The following SUGCT variants were observed in gnomAD, a reference collection of about 807,000 sequenced individuals.
SUGCT encodes the protein succinyl-CoA:glutarate CoA-transferase.
SUGCT carries 41 observed loss-of-function variants against 55.0 expected under a neutral mutation model. That is an observed-to-expected ratio of 0.74 (90% CI 0.58 to 0.97). The LOEUF is 0.97. Ranked by LOEUF, SUGCT falls within the 50% of genes least tolerant of loss-of-function variation. SUGCT has a pLI of 0.00. For missense variants in SUGCT, 568 were observed against 547.8 expected (o/e 1.04, Z -0.37); for synonymous variants, 187 against 200.4 (o/e 0.93, Z 0.56).
At chr7:40,989,055 T>C in the SUGCT span, among the ~76,000 whole-genome samples, 1 of 152,196 alleles carries the variant, frequency 6.6e-6, no homozygotes, top group South Asian at 2.1e-4. Context: ...AATTGTACAA[T>C]AGCATTATGT....
chr7:40,372,057 G>A (rs1307166044), intron 9 of SUGCT, among the ~76,000 whole-genome samples: 1 of 151,840 alleles, frequency 6.6e-6, no homozygotes, highest in African/African-American at 2.4e-5. Flanking sequence ...GCAAATGAGA[G>A]CCAGGGTTGT....
chr7:40,703,230 A>C (rs904469207), intron 12 of SUGCT, among the ~76,000 whole-genome samples: 5 of 151,906 alleles, frequency 3.3e-5, no homozygotes, highest in Non-Finnish European at 5.9e-5. Flanking sequence ...ATGCCCGGCT[A>C]ATTTTGTATT....
At chr7:40,365,833 A>G (rs935880929) in intron 9 of SUGCT, among the ~76,000 whole-genome samples, 1 of 152,218 alleles carries the variant, frequency 6.6e-6, no homozygotes, top group African/African-American at 2.4e-5. Context: ...AAATGGCCAT[A>G]CTGCCCAATG....
chr7:40,237,873 G>A lies in SUGCT; in HGVS notation c.576+147G>A, dbSNP rs528439741. 9.6e-5 allele frequency: 61 copies of A among 633,338 alleles called. No homozygotes were observed. The South Asian group carries it at 1.3e-3, about 14-fold the overall frequency. 39.2% of individuals were successfully genotyped at this position (633,338 alleles called of 1,614,324 possible). On this transcript the variant is annotated intron_variant, in intron 7 of 13. Coordinates refer to ENST00000335693, the MANE Select transcript of SUGCT (RefSeq NM_001193313.2). ...TTTGCCATTGAAATTAATAATTTTA[G>A]AAAGAAACCAGGGAAAGTGAATGCT... is the stretch of plus-strand genomic sequence containing the variant.
At chr7:40,689,296 A>G (rs1166087982) in intron 12 of SUGCT, among the ~76,000 whole-genome samples, 1 of 152,208 alleles carries the variant, frequency 6.6e-6, no homozygotes, top group African/African-American at 2.4e-5. Flanking sequence ...ATAGCAAGCA[A>G]TGAGCCCCCA....
At chr7:40,720,664 A>G (rs1786279690) in intron 12 of SUGCT, among the ~76,000 whole-genome samples, 1 of 152,228 alleles carries the variant, frequency 6.6e-6, no homozygotes, top group African/African-American at 2.4e-5. Flanking sequence ...TATGAAGTTT[A>G]CTAATAACAG....
chr7:40,332,705 G>T (rs1796391228), intron 9 of SUGCT, among the ~76,000 whole-genome samples: 1 of 152,144 alleles, frequency 6.6e-6, no homozygotes, highest in Non-Finnish European at 1.5e-5. Context: ...AAACATAATG[G>T]TGCATTGAGG....
chr7:40,717,473 C>G (rs1034079647), intron 12 of SUGCT, among the ~76,000 whole-genome samples: 1 of 152,196 alleles, frequency 6.6e-6, no homozygotes. Flanking sequence ...GGGCACATGT[C>G]GGGCTCCAGT....
intron 13 of SUGCT, among the ~76,000 whole-genome samples, chr7:40,846,957 A>G (rs1337895745): frequency 6.6e-6 from 1 of 152,236 alleles, no homozygotes; most frequent in Non-Finnish European, 1.5e-5. Context: ...TATAGAAAGC[A>G]TTATGCCAAG....
intron 13 of SUGCT, among the ~76,000 whole-genome samples, chr7:40,816,054 C>T (rs1791654048): frequency 6.6e-6 from 1 of 152,224 alleles, no homozygotes. Context: ...GCCAAGCTGG[C>T]AAGTCTCACT....
intron 12 of SUGCT, among the ~76,000 whole-genome samples, chr7:40,711,506 AAAAG>A (rs1169539037): frequency 6.6e-6 from 1 of 152,176 alleles, no homozygotes; most frequent in East Asian, 1.9e-4. Context: ...TATCTAAAAA[AAAAG>A]AAAGAAAAAG....
chr7:40,708,229 C>T (rs1785523273), intron 12 of SUGCT, among the ~76,000 whole-genome samples: 1 of 152,150 alleles, frequency 6.6e-6, no homozygotes, highest in African/African-American at 2.4e-5. Flanking sequence ...CCTGGGTACT[C>T]TGTGCTTTAA....
At chr7:40,739,190 A>G (rs1249450330) in intron 12 of SUGCT, among the ~76,000 whole-genome samples, 1 of 152,184 alleles carries the variant, frequency 6.6e-6, no homozygotes, top group African/African-American at 2.4e-5. Context: ...GAAGAGTTCC[A>G]TCACCACGAA....
chr7:40,452,231 A>T (rs1419594834), intron 10 of SUGCT, among the ~76,000 whole-genome samples: 1 of 152,320 alleles, frequency 6.6e-6, no homozygotes, highest in East Asian at 1.9e-4. Flanking sequence ...GTCCTACTTA[A>T]TGTTCCTTAC....
At chr7:40,563,058 G>A (rs1795927172) in intron 12 of SUGCT, among the ~76,000 whole-genome samples, 1 of 152,022 alleles carries the variant, frequency 6.6e-6, no homozygotes, top group South Asian at 2.1e-4. Flanking sequence ...CTCTTCCTCC[G>A]CCCAAGTAAC....
At chr7:40,834,532 G>T (rs76254322) in intron 13 of SUGCT, among the ~76,000 whole-genome samples, 4,125 of 152,212 alleles carry the variant, frequency 0.027, 70 homozygotes, top group Middle Eastern at 0.058. Context: ...TATTGGTGGG[G>T]TTACTAAAAG....
At chr7:40,258,843 A>G (rs529786417) in intron 7 of SUGCT, among the ~76,000 whole-genome samples, 1 of 152,328 alleles carries the variant, frequency 6.6e-6, no homozygotes, top group South Asian at 2.1e-4. Flanking sequence ...CATATACTCA[A>G]GCGAAATGAA....
At chr7:40,184,925 G>A (rs1456854541) in intron 3 of SUGCT, among the ~76,000 whole-genome samples, 4 of 152,078 alleles carry the variant, frequency 2.6e-5, no homozygotes, top group Admixed American at 6.6e-5. Context: ...GTTTGATCTG[G>A]AAGATTCAAT....
At chr7:40,317,381 G>C (rs2151112552) in intron 9 of SUGCT, among the ~76,000 whole-genome samples, 1 of 152,302 alleles carries the variant, frequency 6.6e-6, no homozygotes, top group Non-Finnish European at 1.5e-5. Flanking sequence ...TTTGGCTAGT[G>C]TAAATGAATA....
Sources: gnomAD v4.1 joint callset for allele counts (sites outside exome capture counted in the v4.1 genomes callset) on GRCh38, gnomAD v4.1.1 for gene constraint, MANE v1.5 for transcripts, NCBI Gene and HGNC (gene_info 2026-07-23, HGNC 2026-07-21) for gene names.